Variants in AP4E1 observed in about 807,000 individuals in gnomAD.
The protein encoded by AP4E1 is adaptor related protein complex 4 subunit epsilon 1.
AP4E1 carries 56 observed loss-of-function variants against 128.2 expected under a neutral mutation model. The observed-to-expected ratio is 0.44, with a 90% confidence interval of 0.35 to 0.55. The LOEUF (loss-of-function observed/expected upper bound fraction) is 0.55. AP4E1 is among the 20% of genes least tolerant of loss of function. The probability of loss-of-function intolerance (pLI) is 0.00; values close to 1 mark genes in which losing one functional copy is unlikely to be tolerated. For synonymous variants in AP4E1, 484 were observed against 473.1 expected, an observed-to-expected ratio of 1.02 and a Z score of -0.30; for missense variants, 1,324 against 1,307.7, an observed-to-expected ratio of 1.01 and a Z score of -0.19.
chr15:50,984,887 T>A lies in AP4E1; in HGVS notation c.2090+742T>A, dbSNP rs1433416045. Among the ~76,000 whole-genome samples the A allele has an allele frequency of 2.6e-5, 4 of 152,102 alleles. 1 individual carries two copies. The South Asian group carries it at 6.2e-4, about 24-fold the overall frequency. ...AGATCCTTGAGGAATCACCACACTG[T>A]CTTCCACAATGGTTGAACTAGTTTA... On this transcript the variant is annotated intron_variant, in intron 16 of 20. Transcript: ENST00000261842.
At chr15:50,944,152 G>A (rs1222025298) in intron 10 of AP4E1, among the ~76,000 whole-genome samples, 2 of 152,114 alleles carry the variant, frequency 1.3e-5, no homozygotes, top group African/African-American at 2.4e-5. Context: ...GAGTATCCTT[G>A]GTGCCCAAAG....
At chr15:50,915,643 G>A (rs2063621425) in intron 3 of AP4E1, 72 bp downstream of exon 3, 2 of 1,504,036 alleles carry the variant, frequency 1.3e-6, no homozygotes, top group Non-Finnish European at 1.8e-6. Flanking sequence ...CAAAATGAAT[G>A]ATGGCATGTA....
At position 50,912,195 on chromosome 15, in the gene AP4E1, G is replaced by GT. The variant is rs762273037; in HGVS notation, c.222+47dup. On this transcript the variant is annotated intron_variant, in intron 2 of 20. Coordinates refer to ENST00000261842, the MANE Select transcript of AP4E1 (RefSeq NM_007347.5). Reference sequence around the variant, plus strand: ...CCAACACATTTGAATTTGAAATCTAGTCACTGTGGACTCAATAGTGGCATC... The same window carrying GT: ...CCAACACATTTGAATTTGAAATCTAGTTCACTGTGGACTCAATAGTGGCATC... 25 of 1,497,700 alleles carry GT rather than the reference G, an allele frequency of 1.7e-5. No homozygotes were observed. In the South Asian group the frequency reaches 2.9e-4, roughly 17 times the overall value. The allele number at this position is 1,497,700 out of a possible 1,614,324, so 92.8% of individuals were successfully genotyped here.
intron 3 of AP4E1, among the ~76,000 whole-genome samples, chr15:50,921,876 A>T (rs185936484): frequency 9.9e-5 from 15 of 152,050 alleles, no homozygotes; most frequent in Admixed American, 2.0e-4. Flanking sequence ...TTGTTGAAAC[A>T]GTTGGGATAT....
intron 13 of AP4E1, among the ~76,000 whole-genome samples, chr15:50,956,665 C>T (rs1226436376): frequency 6.6e-6 from 1 of 152,138 alleles, no homozygotes; most frequent in East Asian, 1.9e-4. Flanking sequence ...CTCACTATCA[C>T]AAGAGCAGCA....
At chr15:50,939,424 T>G (rs1282492365) in intron 8 of AP4E1, among the ~76,000 whole-genome samples, 2 of 147,482 alleles carry the variant, frequency 1.4e-5, no homozygotes, top group Non-Finnish European at 3.0e-5. Flanking sequence ...AGACTGCATC[T>G]CAAAAAAAAA....
chr15:50,959,648 C>T (rs1296527514), intron 14 of AP4E1, among the ~76,000 whole-genome samples: 1 of 151,996 alleles, frequency 6.6e-6, no homozygotes, highest in Non-Finnish European at 1.5e-5. Context: ...GGCAGATACA[C>T]AAATGAGAAA....
intron 8 of AP4E1, among the ~76,000 whole-genome samples, chr15:50,940,830 C>G (rs951510493): frequency 6.6e-6 from 1 of 152,120 alleles, no homozygotes; most frequent in Non-Finnish European, 1.5e-5. Context: ...TGAATGCTAT[C>G]AAGATGTCCA....
At chr15:50,995,393 C>T (rs2064854312) in intron 17 of AP4E1, among the ~76,000 whole-genome samples, 1 of 147,270 alleles carries the variant, frequency 6.8e-6, no homozygotes. Flanking sequence ...TGGCTTATTT[C>T]ACCTTCTTTT....
intron 10 of AP4E1, among the ~76,000 whole-genome samples, chr15:50,947,010 A>G (rs2064071166): frequency 6.6e-6 from 1 of 151,972 alleles, no homozygotes; most frequent in Non-Finnish European, 1.5e-5. Context: ...ATCTCTACTA[A>G]AAATACAAAA....
At chr15:50,951,726 C>CTT (rs71127166) in intron 13 of AP4E1, among the ~76,000 whole-genome samples, 21,907 of 125,846 alleles carry the variant, frequency 0.17, 2,126 homozygotes, top group Non-Finnish European at 0.21. Context: ...AATTTTCTTT[C>CTT]TTTTTTTTTT....
chr15:50,988,765 A>G (rs545221920), intron 16 of AP4E1, among the ~76,000 whole-genome samples: 1 of 152,200 alleles, frequency 6.6e-6, no homozygotes, highest in South Asian at 2.1e-4. Flanking sequence ...AAGCCAAAAA[A>G]TCATTAAATT....
Position 50,997,537 on chromosome 15 carries a change from T to C in AP4E1, c.2558T>C (p.Leu853Ser). 6.2e-7 allele frequency: 1 copy of C among 1,614,084 alleles called. No homozygotes were observed. The highest frequency in any genetic ancestry group is 8.5e-7 in the Non-Finnish European group (1 of 1,179,972). ...AAATTTTCTCTCACTTCAGAACTTT[T>C]GGATTCTGAGTCACTCACAGAACTG... ...LKKFSLTSEL[L>S]DSESLTELPL... Residue 853 changes from leucine (L) to serine (S), a missense_variant, in exon 18 of 21, where the codon TTG becomes TCG. By Grantham distance (145) the Leu-to-Ser change is moderately radical. Transcript: ENST00000261842.
At chr15:50,933,320 A>G (rs1182616403) in intron 7 of AP4E1, among the ~76,000 whole-genome samples, 1 of 152,174 alleles carries the variant, frequency 6.6e-6, no homozygotes, top group African/African-American at 2.4e-5. Context: ...AGCAAAGTAA[A>G]AAGTTATAAC....
chr15:50,948,397 G>A (rs538317991), intron 11 of AP4E1, among the ~76,000 whole-genome samples: 2 of 149,068 alleles, frequency 1.3e-5, no homozygotes, highest in African/African-American at 5.0e-5. Context: ...ATTTTGAGCA[G>A]GAAGATAGAG....
At chr15:50,908,244 G>A (rs2063517602), upstream of AP4E1, among the ~76,000 whole-genome samples, 1 of 152,200 alleles carries the variant, frequency 6.6e-6, no homozygotes, top group South Asian at 2.1e-4. Context: ...CCCAAGAGTC[G>A]CCAGGGCCGG....
intron 5 of AP4E1, among the ~76,000 whole-genome samples, chr15:50,927,312 G>A (rs2063780667): frequency 6.6e-6 from 1 of 152,154 alleles, no homozygotes; most frequent in African/African-American, 2.4e-5. Context: ...CCATGCTCTG[G>A]AGTAAAGAGC....
intron 1 of AP4E1, among the ~76,000 whole-genome samples, chr15:50,910,520 G>T (rs952944591): frequency 6.6e-6 from 1 of 152,180 alleles, no homozygotes; most frequent in African/African-American, 2.4e-5. Context: ...CAATAGAAGT[G>T]CTAAAAGAGA....
Position 50,984,147 on chromosome 15 carries a change from T to A in AP4E1, c.2090+2T>A. The A allele has an allele frequency of 6.2e-7, 1 of 1,612,896 alleles. No individual in the cohort carries two copies. The highest frequency in any genetic ancestry group is 8.5e-7 in the Non-Finnish European group (1 of 1,179,186). ...TAGTGCTGAGACAGGACTGAAAGAG[T>A]AAGTTCATTTCTTATTAAAATTGAG... On this transcript the variant is annotated splice_donor_variant, in intron 16 of 20. Transcript: ENST00000261842. LOFTEE classifies it high-confidence loss of function.
Sources: allele counts gnomAD v4.1 joint callset (sites outside exome capture counted in the v4.1 genomes callset), GRCh38; gene constraint gnomAD v4.1.1; transcripts MANE v1.5; gene names NCBI Gene and HGNC (gene_info 2026-07-23, HGNC 2026-07-21).